PLA2G4A: variants seen among roughly 807,000 people sequenced by gnomAD.
PLA2G4A encodes the protein cytosolic phospholipase A2.
Under a neutral mutation model 81.9 loss-of-function variants are expected in PLA2G4A, and 40 were observed. The ratio of observed to expected loss-of-function variants is 0.49; its 90% confidence interval spans 0.38 to 0.64. PLA2G4A has a LOEUF of 0.64. Among genes scored for constraint, PLA2G4A ranks in the 30% least tolerant of loss-of-function variants. PLA2G4A has a pLI of 0.00. For synonymous variants in PLA2G4A, 302 were observed against 296.9 expected (o/e 1.02, Z -0.18); for missense variants, 715 against 905.1 (o/e 0.79, Z 2.69).
At chr1:186,953,832 G>A (rs532827758) in intron 13 of PLA2G4A, among the ~76,000 whole-genome samples, 1 of 152,158 alleles carries the variant, frequency 6.6e-6, no homozygotes, top group African/African-American at 2.4e-5. Flanking sequence ...TATTGAATAA[G>A]AAGAAGAAAA....
chr1:186,931,517 CTATTATTAT>C (rs3060324), intron 7 of PLA2G4A, among the ~76,000 whole-genome samples: 44,486 of 144,808 alleles, frequency 0.31, 7,830 homozygotes, highest in East Asian at 0.46. Context: ...AAAATGTTTG[CTATTATTAT>C]TATTATTATT....
intron 7 of PLA2G4A, among the ~76,000 whole-genome samples, chr1:186,926,035 TATCAG>T (rs1462712346): frequency 1.3e-5 from 2 of 152,124 alleles, no homozygotes; most frequent in African/African-American, 4.8e-5. Flanking sequence ...GGAACACGAG[TATCAG>T]GTTGCTAGGG....
At chr1:186,974,354 G>T (rs780802810) in intron 15 of PLA2G4A, among the ~76,000 whole-genome samples, 12 of 151,994 alleles carry the variant, frequency 7.9e-5, no homozygotes, top group Non-Finnish European at 1.5e-4. Context: ...AATTAGCCAG[G>T]TGTGGTGGCA....
At chr1:186,906,497 T>C (rs1232375375) in intron 5 of PLA2G4A, among the ~76,000 whole-genome samples, 1 of 152,194 alleles carries the variant, frequency 6.6e-6, no homozygotes, top group Non-Finnish European at 1.5e-5. Context: ...TATTTTCAGC[T>C]TACTACAGCC....
In PLA2G4A at chr1:186,955,842, T is replaced by C. The variant is rs143925815; in HGVS notation, c.1337-260T>C. Among the ~76,000 whole-genome samples, 1,808 of 145,626 alleles carry C rather than the reference T, an allele frequency of 0.012. 109 individuals are homozygous for C. The East Asian group carries it at 0.21, about 17-fold the overall frequency. ...TCCGCCTCCCGGGTTCAAGCGATTC[T>C]CCTGCCTCAGCCTCCCGAGTAGCTG... On this transcript the variant is annotated intron_variant, in intron 13 of 17. Coordinates refer to ENST00000367466, the MANE Select transcript of PLA2G4A (RefSeq NM_024420.3).
chr1:186,893,131 T>G lies in PLA2G4A; in HGVS notation c.236T>G (p.Leu79Trp). The G allele has an allele frequency of 6.2e-7, 1 of 1,612,872 alleles. No homozygotes were observed. The highest frequency in any genetic ancestry group is 8.5e-7 in the Non-Finnish European group (1 of 1,178,898). ...PVWNETFEFILDPNQENVLEI... is the reference protein window; with the variant it reads ...PVWNETFEFIWDPNQENVLEI... ...TGGAATGAGACCTTTGAATTTATTTTGGATCCTAATCAGGAAAATGTTTTG... is the reference window on the plus strand; with the variant it reads ...TGGAATGAGACCTTTGAATTTATTTGGGATCCTAATCAGGAAAATGTTTTG... Residue 79 changes from leucine (L) to tryptophan (W), a missense_variant, in exon 4 of 18, where the codon TTG becomes TGG. Transcript: ENST00000367466.
At chr1:186,829,369 C>G (rs1196483500) in intron 1 of PLA2G4A, among the ~76,000 whole-genome samples, 1 of 152,130 alleles carries the variant, frequency 6.6e-6, no homozygotes, top group Non-Finnish European at 1.5e-5. Context: ...GTGATGACAC[C>G]CAATGGTTAC....
At chr1:186,981,703 T>A (rs1346560651) in intron 17 of PLA2G4A, among the ~76,000 whole-genome samples, 1 of 152,150 alleles carries the variant, frequency 6.6e-6, no homozygotes, top group African/African-American at 2.4e-5. Flanking sequence ...TAAAACTCTG[T>A]AACCATTAAC....
chr1:186,914,116 G>A (rs1357913113), intron 7 of PLA2G4A, among the ~76,000 whole-genome samples: 1 of 151,516 alleles, frequency 6.6e-6, no homozygotes, highest in Non-Finnish European at 1.5e-5. Flanking sequence ...TTGAGACAGG[G>A]TTTTGCTTTG....
intron 10 of PLA2G4A, among the ~76,000 whole-genome samples, chr1:186,940,878 A>T (rs1158136114): frequency 1.3e-5 from 2 of 152,176 alleles, no homozygotes; most frequent in South Asian, 2.1e-4. Flanking sequence ...GCACCTAAAA[A>T]GTTCTAGTGT....
chr1:186,942,769 T>A (rs1656197302), intron 10 of PLA2G4A, among the ~76,000 whole-genome samples: 1 of 152,170 alleles, frequency 6.6e-6, no homozygotes, highest in African/African-American at 2.4e-5. Flanking sequence ...TATATTCAGT[T>A]AGTAGTCTTT....
chr1:186,952,486 C>T lies in PLA2G4A; in HGVS notation c.1336+1758C>T, dbSNP rs1656594581. Among the ~76,000 whole-genome samples the T allele has an allele frequency of 3.3e-5, 5 of 152,240 alleles. No individual in the cohort carries two copies. The South Asian group carries it at 1.0e-3, about 32-fold the overall frequency. ...CATATGTCCCCTGTCCACCTTCCACCACCCCTGCCTCTCCCACTATAAACA... is the reference window on the plus strand; with the variant it reads ...CATATGTCCCCTGTCCACCTTCCACTACCCCTGCCTCTCCCACTATAAACA... On this transcript the variant is annotated intron_variant, in intron 13 of 17. Transcript: ENST00000367466.
At chr1:186,899,538 G>A (rs992399323) in intron 5 of PLA2G4A, among the ~76,000 whole-genome samples, 1 of 152,172 alleles carries the variant, frequency 6.6e-6, no homozygotes, top group African/African-American at 2.4e-5. Flanking sequence ...TTGGGAAACC[G>A]TGCCTAGACA....
Position 186,940,055 on chromosome 1 carries a change from C to A in PLA2G4A, c.994C>A (p.Leu332Ile). 1 of 1,609,236 alleles carries A rather than the reference C, an allele frequency of 6.2e-7. No individual in the cohort carries two copies. The highest frequency in any genetic ancestry group is 8.5e-7 in the Non-Finnish European group (1 of 1,175,660). ...ATGCCCTTTACCTCTTTTCACCTGT[C>A]TTCATGTCAAACCTGACGTTTCAGA... ...AQCPLPLFTC[L>I]HVKPDVSELM... Residue 332 changes from leucine to isoleucine, a missense_variant, in exon 10 of 18, where the codon CTT becomes ATT. By Grantham distance (5) the Leu-to-Ile change is conservative (BLOSUM62 2). Coordinates refer to ENST00000367466, the MANE Select transcript of PLA2G4A (RefSeq NM_024420.3).
intron 8 of PLA2G4A, among the ~76,000 whole-genome samples, chr1:186,937,043 T>A (rs1415181697): frequency 2.7e-5 from 4 of 150,474 alleles, no homozygotes; most frequent in African/African-American, 4.9e-5. Flanking sequence ...TTTTTTTTTA[T>A]TTTTTGAGAT....
At chr1:186,903,399 T>C (rs1654618743) in intron 5 of PLA2G4A, among the ~76,000 whole-genome samples, 1 of 152,314 alleles carries the variant, frequency 6.6e-6, no homozygotes, top group African/African-American at 2.4e-5. Flanking sequence ...TTTTGCTATA[T>C]GCATCTTTTT....
Position 186,988,752 on chromosome 1 carries a change from T to C in PLA2G4A, c.*244T>C, listed in dbSNP as rs1163062080. ...CAGTATGAACTTCCTGATACAAATG[T>C]AGGGATATATACTGTATTTTTAAAC... On this transcript the variant is annotated 3_prime_UTR_variant, in exon 18 of 18. Coordinates refer to ENST00000367466, the MANE Select transcript of PLA2G4A (RefSeq NM_024420.3). The C allele has an allele frequency of 2.6e-6, 1 of 384,200 alleles. No individual in the cohort carries two copies. The highest frequency in any genetic ancestry group is 2.1e-5 in the African/African-American group (1 of 48,246). 23.8% of individuals were successfully genotyped at this position (384,200 alleles called of 1,614,324 possible).
intron 1 of PLA2G4A, among the ~76,000 whole-genome samples, chr1:186,841,996 T>C (rs181931731): frequency 2.1e-3 from 319 of 151,976 alleles, no homozygotes; most frequent in Middle Eastern, 6.8e-3. Flanking sequence ...GGAGCTATGC[T>C]CTCTCCTTTA....
intron 14 of PLA2G4A, among the ~76,000 whole-genome samples, chr1:186,957,297 C>T (rs1271066509): frequency 6.6e-6 from 1 of 151,856 alleles, no homozygotes; most frequent in East Asian, 1.9e-4. Flanking sequence ...AAAATCGTTC[C>T]AAACTTTCAG....
Sources: gnomAD v4.1 joint callset for allele counts (sites outside exome capture counted in the v4.1 genomes callset) on GRCh38, gnomAD v4.1.1 for gene constraint, MANE v1.5 for transcripts, NCBI Gene and HGNC (gene_info 2026-07-23, HGNC 2026-07-21) for gene names.